Variants in NLRP4 observed in about 807,000 individuals in gnomAD.
NLRP4 encodes the protein NLR family pyrin domain containing 4.
Under a neutral mutation model 84.7 loss-of-function variants are expected in NLRP4, and 44 were observed. The observed-to-expected ratio is 0.52, with a 90% confidence interval of 0.41 to 0.67. NLRP4 has a LOEUF of 0.67. Among genes scored for constraint, NLRP4 ranks in the 30% least tolerant of loss-of-function variants. The pLI, the probability that NLRP4 is intolerant of heterozygous loss-of-function variation, is 0.00. For missense variants in NLRP4, 1,260 were observed against 1,219.4 expected, an observed-to-expected ratio of 1.03 and a Z score of -0.50; for synonymous variants, 544 against 476.4, an observed-to-expected ratio of 1.14 and a Z score of -1.85.
chr19:55,852,016 GT>G lies in NLRP4; in HGVS notation c.-61del. On this transcript the variant is annotated splice_region_variant and 5_prime_UTR_variant, in exon 2 of 10. Coordinates refer to ENST00000301295, the MANE Select transcript of NLRP4 (RefSeq NM_134444.5). ...TGGCACTGTCCTGAATTTTCTACAG[GT>G]TTTATTTATTTATTGTTCCTGGTCA... 1 of 1,244,130 alleles carries G rather than the reference GT, an allele frequency of 8.0e-7. No individual in the cohort carries two copies. Among genetic ancestry groups the G allele is most frequent in the Non-Finnish European group, 1.1e-6 (1 of 871,588 alleles). 77.1% of individuals were successfully genotyped at this position (1,244,130 alleles called of 1,614,324 possible). A position where few individuals can be genotyped will look rare whatever the true frequency, so the allele number is the denominator to read the frequency against.
intron 7 of NLRP4, among the ~76,000 whole-genome samples, chr19:55,873,658 G>A (rs1017722662): frequency 2.6e-5 from 4 of 151,892 alleles, no homozygotes; most frequent in African/African-American, 9.7e-5. Flanking sequence ...AAAATGAAAG[G>A]ATAGAAAAAA....
At chr19:55,879,070 T>A in intron 9 of NLRP4, 106 bp downstream of exon 9, 1 of 877,226 alleles carries the variant, frequency 1.1e-6, no homozygotes, top group South Asian at 1.8e-5. Flanking sequence ...CAAATGATGT[T>A]CCTTGTCTCA....
At chr19:55,857,382 C>A in intron 2 of NLRP4, 6 of 395,164 alleles carry the variant, frequency 1.5e-5, no homozygotes, top group Non-Finnish European at 2.2e-5. Flanking sequence ...AAGTTGTCAA[C>A]CTTTTTGTGT....
chr19:55,839,179 C>A, intron 1 of NLRP4, among the ~76,000 whole-genome samples: 1 of 152,026 alleles, frequency 6.6e-6, no homozygotes, highest in South Asian at 2.1e-4. Context: ...TCCCTGTGTC[C>A]GTTTGTGTTC....
chr19:55,865,231 A>G (rs936944848), intron 5 of NLRP4, among the ~76,000 whole-genome samples: 3 of 152,222 alleles, frequency 2.0e-5, no homozygotes, highest in African/African-American at 7.2e-5. Flanking sequence ...AAGTGAGAAC[A>G]TGTGATATTT....
Position 55,857,751 on chromosome 19 carries a change from C to T in NLRP4, c.358C>T (p.His120Tyr), listed in dbSNP as rs1423060455. The change falls in exon 3 of 10, where the codon CAC (histidine) becomes TAC (tyrosine). Residue 120 changes from histidine to tyrosine, a missense_variant. Around this residue, in one of 3 missense-constraint regions of NLRP4, gnomAD observed 712 missense variants for 669.2 expected, o/e 1.06. Coordinates refer to ENST00000301295, the MANE Select transcript of NLRP4 (RefSeq NM_134444.5). ...GTCCAGCAAGTCTGTCACTGAGATTCACCTATACTTTGAGGAGGAAGTCAA... is the reference window on the plus strand; with the variant it reads ...GTCCAGCAAGTCTGTCACTGAGATTTACCTATACTTTGAGGAGGAAGTCAA... ...LWSSKSVTEI[H>Y]LYFEEEVKQE... The T allele has an allele frequency of 6.2e-7, 1 of 1,613,698 alleles. No homozygotes were observed. Among genetic ancestry groups the T allele is most frequent in the Non-Finnish European group, 8.5e-7 (1 of 1,179,690 alleles).
intron 6 of NLRP4, among the ~76,000 whole-genome samples, chr19:55,869,436 A>G (rs1278691657): frequency 1.3e-5 from 2 of 152,100 alleles, no homozygotes. Context: ...ATGCCAGAAA[A>G]TTGAGATCCG....
chr19:55,872,926 A>G (rs1265352157), intron 7 of NLRP4, among the ~76,000 whole-genome samples: 2 of 151,704 alleles, frequency 1.3e-5, no homozygotes, highest in Non-Finnish European at 2.9e-5. Context: ...GGGCGGGGGA[A>G]AGTGATATCT....
chr19:55,874,855 T>C (rs1247014562), intron 7 of NLRP4, among the ~76,000 whole-genome samples: 1 of 152,176 alleles, frequency 6.6e-6, no homozygotes, highest in South Asian at 2.1e-4. Flanking sequence ...ATTCATGAAA[T>C]GCAAAAACAC....
chr19:55,878,874 T>A lies in NLRP4; in HGVS notation c.2777T>A (p.Leu926His), dbSNP rs1985478515. 1.4e-5 allele frequency: 23 copies of A among 1,613,794 alleles called. No homozygotes were observed. The highest frequency in any genetic ancestry group is 1.6e-5 in the Non-Finnish European group (19 of 1,179,842). Reference protein sequence around the residue: ...VLTCSKTLQQLNLTLNTLDHT... With the variant: ...VLTCSKTLQQHNLTLNTLDHT... The stretch of plus-strand genomic sequence containing the variant: ...ACCTGCAGTAAGACCCTGCAGCAGC[T>A]CAACCTGACCTTGAACACCTTGGAC... Residue 926 changes from leucine (L) to histidine (H), a missense_variant, in exon 9 of 10, where the codon CTC (leucine) becomes CAC (histidine). Leu to His is a moderately conservative substitution (Grantham distance 99). Coordinates refer to ENST00000301295, the MANE Select transcript of NLRP4 (RefSeq NM_134444.5).
At chr19:55,861,222 C>T (rs534190203) in intron 3 of NLRP4, among the ~76,000 whole-genome samples, 164 bp from the exon 4 acceptor site, 85 of 152,324 alleles carry the variant, frequency 5.6e-4, no homozygotes, top group African/African-American at 1.9e-3. Context: ...GGTTGAGAAC[C>T]ACTAACATAA....
chr19:55,842,869 C>A (rs1236196404), intron 1 of NLRP4, among the ~76,000 whole-genome samples: 1 of 152,060 alleles, frequency 6.6e-6, no homozygotes, highest in African/African-American at 2.4e-5. Context: ...ACGCCGTTCT[C>A]CTGCCTCAGC....
chr19:55,839,440 G>A (rs977470016), intron 1 of NLRP4, among the ~76,000 whole-genome samples: 1 of 147,802 alleles, frequency 6.8e-6, no homozygotes, highest in East Asian at 2.0e-4. Flanking sequence ...ATTTGCTGAT[G>A]AAGATGTTTG....
At position 55,858,890 on chromosome 19, in the gene NLRP4, G is replaced by T. The variant is rs1030082813; in HGVS notation, c.1497G>T (p.Leu499Phe). Reference sequence around the variant, plus strand: ...CAAGGAGAGCACATTGGATTTTTTTGGGGTGTTTTCTAACTGGCCTTTTAA... The same window carrying T: ...CAAGGAGAGCACATTGGATTTTTTTTGGGTGTTTTCTAACTGGCCTTTTAA... ...EKARRAHWIFLGCFLTGLLNK... is the reference protein window; with the variant it reads ...EKARRAHWIFFGCFLTGLLNK... Residue 499 changes from leucine to phenylalanine, a missense_variant, in exon 3 of 10, where the codon TTG becomes TTT. This residue lies in a region of NLRP4 where 712 missense variants were observed against 669.2 expected (regional missense o/e 1.06). Coordinates refer to ENST00000301295, the MANE Select transcript of NLRP4 (RefSeq NM_134444.5). The surrounding 1 kb of genome is among the most constrained non-coding windows in gnomAD (Gnocchi z 4.2). 2 of 1,613,952 alleles carry T rather than the reference G, an allele frequency of 1.2e-6. No individual in the cohort carries two copies. Among genetic ancestry groups the T allele is most frequent in the Non-Finnish European group, 1.7e-6 (2 of 1,179,998 alleles).
At chr19:55,860,308 A>G (rs2868047) in intron 3 of NLRP4, among the ~76,000 whole-genome samples, 80,067 of 152,048 alleles carry the variant, frequency 0.53, 21,883 homozygotes, top group African/African-American at 0.63. Context: ...TTTAACTTAC[A>G]GCTCATGCCT....
intron 5 of NLRP4, 54 bp from the exon 6 acceptor site, chr19:55,867,655 A>G: frequency 6.6e-7 from 1 of 1,518,346 alleles, no homozygotes; most frequent in South Asian, 1.2e-5. Context: ...TGGCAAGAGG[A>G]ATGAGTCCAG....
At chr19:55,879,354 G>A (rs1233575144) in intron 9 of NLRP4, among the ~76,000 whole-genome samples, 1 of 152,186 alleles carries the variant, frequency 6.6e-6, no homozygotes, top group Non-Finnish European at 1.5e-5. Context: ...AAAATGGATT[G>A]CCCGATCCAT....
chr19:55,871,248 G>A (rs566372045), intron 7 of NLRP4, among the ~76,000 whole-genome samples: 9 of 152,272 alleles, frequency 5.9e-5, no homozygotes, highest in Admixed American at 2.6e-4. Flanking sequence ...TGAGAGAGCC[G>A]GAATTAGGTC....
intron 7 of NLRP4, among the ~76,000 whole-genome samples, chr19:55,872,062 A>G (rs1296655006): frequency 6.6e-6 from 1 of 151,942 alleles, no homozygotes; most frequent in Non-Finnish European, 1.5e-5. Context: ...GCTAGCCAGG[A>G]TGGTCTCAAT....
Sources: gnomAD v4.1 joint callset for allele counts (sites outside exome capture counted in the v4.1 genomes callset) on GRCh38, gnomAD v4.1.1 for gene constraint, gnomAD v4.1.1 regional missense constraint, Gnocchi (gnomAD v3.1) non-coding constraint, MANE v1.5 for transcripts, NCBI Gene and HGNC (gene_info 2026-07-23, HGNC 2026-07-21) for gene names.